Variants in TMEM150C observed in about 807,000 individuals in gnomAD.
The protein encoded by TMEM150C is tentonin 3.
Under a neutral mutation model 29.9 loss-of-function variants are expected in TMEM150C, and 10 were observed. The observed-to-expected ratio is 0.33, with a 90% CI of 0.21 to 0.57. The LOEUF is 0.57. Among genes scored for constraint, TMEM150C ranks in the 20% least tolerant of loss-of-function variants. The pLI is 0.88. For synonymous variants in TMEM150C, 101 were observed against 112.5 expected (o/e 0.90, Z 0.64); for missense variants, 251 against 303.6 (o/e 0.83, Z 1.29).
chr4:82,524,128 CGTGGT>C (rs1724578074), intron 1 of TMEM150C, among the ~76,000 whole-genome samples: 1 of 149,344 alleles, frequency 6.7e-6, no homozygotes, highest in African/African-American at 2.5e-5. Context: ...GTTAGCAGGG[CGTGGT>C]GGTGGGTGCC....
At chr4:82,547,968 G>C (rs1206245382) in intron 1 of TMEM150C, among the ~76,000 whole-genome samples, 2 of 152,148 alleles carry the variant, frequency 1.3e-5, no homozygotes, top group Non-Finnish European at 2.9e-5. Flanking sequence ...CCCATCAATG[G>C]GGAACTGGTC....
rs1392238227 is a variant in TMEM150C, at chr4:82,503,208, A to AT, written c.81-97dup. ...AAACTAACTGCACTAATTCATATTCATTTTTTCTAACTGAGAAATGCTCTT... is the reference window on the plus strand; with the variant it reads ...AAACTAACTGCACTAATTCATATTCATTTTTTTCTAACTGAGAAATGCTCTT... On this transcript the variant is annotated intron_variant, in intron 2 of 7. Coordinates refer to ENST00000449862, the MANE Select transcript of TMEM150C (RefSeq NM_001080506.3). The AT allele has an allele frequency of 4.7e-6, 4 of 851,712 alleles. No homozygotes were observed. The South Asian group carries it at 5.2e-5, about 11-fold the overall frequency. 52.8% of individuals were successfully genotyped at this position (851,712 alleles called of 1,614,324 possible).
intron 6 of TMEM150C, among the ~76,000 whole-genome samples, chr4:82,492,870 A>ATATG (rs1723413128): frequency 9.3e-6 from 1 of 107,988 alleles, no homozygotes; most frequent in South Asian, 2.5e-4. Flanking sequence ...TTGTGTATAT[A>ATATG]TATATATATA....
intron 1 of TMEM150C, among the ~76,000 whole-genome samples, chr4:82,517,007 A>G: frequency 6.6e-6 from 1 of 152,252 alleles, no homozygotes; most frequent in Non-Finnish European, 1.5e-5. Context: ...CTACACGACC[A>G]GAATGAAAAA....
intron 7 of TMEM150C, among the ~76,000 whole-genome samples, chr4:82,488,985 G>T (rs1345359918): frequency 6.6e-6 from 1 of 151,616 alleles, no homozygotes; most frequent in African/African-American, 2.4e-5. Context: ...TAAACTCCTG[G>T]GCTCAAGCCA....
At chr4:82,505,601 A>C (rs1480589332) in intron 1 of TMEM150C, among the ~76,000 whole-genome samples, 1 of 152,236 alleles carries the variant, frequency 6.6e-6, no homozygotes, top group Non-Finnish European at 1.5e-5. Context: ...GGAGGAAATG[A>C]CAAATGCTTT....
intron 1 of TMEM150C, among the ~76,000 whole-genome samples, chr4:82,523,783 T>C (rs976287980): frequency 6.6e-6 from 1 of 151,998 alleles, no homozygotes; most frequent in Non-Finnish European, 1.5e-5. Flanking sequence ...GTTCAAGTGA[T>C]TCTCCTGCCT....
intron 1 of TMEM150C, among the ~76,000 whole-genome samples, chr4:82,527,985 T>C (rs900101092): frequency 1.4e-5 from 2 of 146,808 alleles, no homozygotes; most frequent in African/African-American, 5.5e-5. Context: ...TAATTTGTGA[T>C]AATGTAATAT....
chr4:82,536,628 G>C (rs1200402390), intron 1 of TMEM150C, among the ~76,000 whole-genome samples: 1 of 152,120 alleles, frequency 6.6e-6, no homozygotes, highest in Non-Finnish European at 1.5e-5. Context: ...TGTAGTCCCA[G>C]CTCCTCAGGA....
intron 1 of TMEM150C, among the ~76,000 whole-genome samples, chr4:82,544,352 G>T (rs2110089149): frequency 6.6e-6 from 1 of 152,306 alleles, no homozygotes; most frequent in South Asian, 2.1e-4. Flanking sequence ...AGAGAAGTTT[G>T]ATAACAGGGA....
chr4:82,531,691 G>T (rs1724851169), intron 1 of TMEM150C, among the ~76,000 whole-genome samples: 1 of 144,788 alleles, frequency 6.9e-6, no homozygotes. Context: ...GGAGGTGGAG[G>T]TTGTAGTGAG....
chr4:82,501,942 T>TG (rs759424157), intron 5 of TMEM150C, among the ~76,000 whole-genome samples: 2 of 152,106 alleles, frequency 1.3e-5, no homozygotes, highest in Non-Finnish European at 2.9e-5. Context: ...AACACCATTG[T>TG]GGGAAGGATG....
intron 6 of TMEM150C, chr4:82,494,775 T>C (rs1190277979): frequency 4.9e-5 from 14 of 286,984 alleles, no homozygotes; most frequent in Middle Eastern, 1.4e-3. Context: ...TAGGAACCAA[T>C]GTTCCTAATT....
chr4:82,499,719 C>CAAAAAAAA (rs1197264258), intron 5 of TMEM150C, among the ~76,000 whole-genome samples: 5 of 40,294 alleles, frequency 1.2e-4, no homozygotes, highest in African/African-American at 4.5e-4. Flanking sequence ...ACTCCGTCTC[C>CAAAAAAAA]AAAAAAAAAA....
In TMEM150C at chr4:82,558,985, TAAG is replaced by T. The variant is rs1308094383; in HGVS notation, c.-11+2918_-11+2920del. 1.3e-4 allele frequency among the ~76,000 whole-genome samples: 20 copies of T among 152,332 alleles called. No individual in the cohort carries two copies. In the South Asian group the frequency reaches 1.9e-3, roughly 14 times the overall value. On this transcript the variant is annotated intron_variant, in intron 1 of 7. Transcript: ENST00000449862. ...TGTACTTTGTAATCTCCCCCACCCT[TAAG>T]AAGGTTCTTTGTAATTTCCCCACCC... is the stretch of plus-strand genomic sequence containing the variant.
At chr4:82,547,599 A>G (rs1391699936) in intron 1 of TMEM150C, among the ~76,000 whole-genome samples, 2 of 152,168 alleles carry the variant, frequency 1.3e-5, no homozygotes, top group Non-Finnish European at 2.9e-5. Context: ...AAATAAAAAA[A>G]AAAGAAAAAA....
At position 82,541,238 on chromosome 4, in the gene TMEM150C, T is replaced by A. The variant is rs896974286; in HGVS notation, c.-11+20668A>T. On this transcript the variant is annotated intron_variant, in intron 1 of 7. Transcript: ENST00000449862. ...TCTGTATTTCCCCAAAGTTTTCTTA[T>A]GTAAATATTTAACCCTGATTTGATT... 7.9e-5 allele frequency among the ~76,000 whole-genome samples: 12 copies of A among 152,322 alleles called. No individual in the cohort carries two copies. The South Asian group carries it at 2.5e-3, about 32-fold the overall frequency.
intron 1 of TMEM150C, among the ~76,000 whole-genome samples, chr4:82,557,665 G>C (rs1382668901): frequency 1.3e-5 from 2 of 151,876 alleles, no homozygotes; most frequent in African/African-American, 4.8e-5. Context: ...ACAGTTTTTA[G>C]AGTAGGGTTG....
At chr4:82,486,871 G>A (rs900505625) in intron 7 of TMEM150C, among the ~76,000 whole-genome samples, 3 of 152,254 alleles carry the variant, frequency 2.0e-5, no homozygotes, top group South Asian at 4.2e-4. Context: ...GAGGAGCTGG[G>A]AAGAAGGGTA....
Sources: gnomAD v4.1 joint callset for allele counts (sites outside exome capture counted in the v4.1 genomes callset) on GRCh38, gnomAD v4.1.1 for gene constraint, MANE v1.5 for transcripts, NCBI Gene and HGNC (gene_info 2026-07-23, HGNC 2026-07-21) for gene names.